The following ANXA6 variants were observed in gnomAD, a reference collection of about 807,000 sequenced individuals.
The protein encoded by ANXA6 is annexin A6.
ANXA6 carries 71 observed loss-of-function variants against 95.4 expected under a neutral mutation model. The ratio of observed to expected loss-of-function variants is 0.74; its 90% CI spans 0.61 to 0.91. The LOEUF (loss-of-function observed/expected upper bound fraction) is 0.91, where lower values mean the gene tolerates loss of function less well. ANXA6 is among the 40% of genes least tolerant of loss of function. The pLI, the probability that ANXA6 is intolerant of heterozygous loss-of-function variation, is 0.00. For missense variants in ANXA6, 830 were observed against 876.4 expected (o/e 0.95, Z 0.67); for synonymous variants, 289 against 315.9 (o/e 0.91, Z 0.90).
Position 151,137,301 on chromosome 5 carries a change from C to T in ANXA6, c.339G>A (p.Lys113=). ...GGGAAGCCAAGATCTCAATGAGGCACTTCTCATCAGTGCCAATGCCCTGGG... is the reference window on the plus strand; with the variant it reads ...GGGAAGCCAAGATCTCAATGAGGCATTTCTCATCAGTGCCAATGCCCTGGG... ...DAISGIGTDE[K]CLIEILASRT... is the part of the protein sequence containing the mutation. Residue 113 remains lysine, a synonymous_variant, in exon 6 of 26, where the codon AAG becomes AAA. Transcript: ENST00000354546. 6.2e-7 allele frequency: 1 copy of T among 1,613,350 alleles called. No homozygotes were observed. Among genetic ancestry groups the T allele is most frequent in the Non-Finnish European group, 8.5e-7 (1 of 1,179,748 alleles).
chr5:151,143,819 A>G (rs1341611133), intron 2 of ANXA6, among the ~76,000 whole-genome samples: 1 of 152,132 alleles, frequency 6.6e-6, no homozygotes. Flanking sequence ...CAAGCAGATC[A>G]GAGAAGGCTT....
At chr5:151,129,912 T>C (rs1765447681) in intron 11 of ANXA6, among the ~76,000 whole-genome samples, 1 of 152,200 alleles carries the variant, frequency 6.6e-6, no homozygotes, top group Non-Finnish European at 1.5e-5. Flanking sequence ...GGTTTTGCCA[T>C]GTTGGCCAGG....
intron 17 of ANXA6, among the ~76,000 whole-genome samples, chr5:151,119,857 A>C (rs986387372): frequency 1.2e-4 from 18 of 152,266 alleles, no homozygotes; most frequent in African/African-American, 1.4e-4. Context: ...GAAGAAAAAA[A>C]GTTTTGTGCT....
intron 1 of ANXA6, among the ~76,000 whole-genome samples, chr5:151,148,266 A>T (rs1044139575): frequency 6.6e-6 from 1 of 152,164 alleles, no homozygotes. Flanking sequence ...CCTTCCACAC[A>T]TCAGATTCTC....
chr5:151,136,270 C>G lies in ANXA6; in HGVS notation c.475G>C (p.Val159Leu). The change falls in exon 7 of 26, where the codon GTG becomes CTG. Residue 159 changes from valine (V) to leucine (L), a missense_variant. Physicochemically the swap from Val to Leu is conservative, Grantham distance 32. Transcript: ENST00000354546. ...TGTGAACCAACCTGGAGCAGGACCA[C>G]AAGCATCTTCTGGAAGTGGCCAGAG... Reference protein sequence around the residue: ...DTSGHFQKMLVVLLQGTREED... With the variant: ...DTSGHFQKMLLVLLQGTREED... The G allele has an allele frequency of 6.2e-7, 1 of 1,613,988 alleles. No individual in the cohort carries two copies. The highest frequency in any genetic ancestry group is 1.7e-5 in the Admixed American group (1 of 60,028).
rs776634905 is a variant in ANXA6, at chr5:151,128,255, GA to G, written c.919-17del. On this transcript the variant is annotated splice_polypyrimidine_tract_variant and intron_variant, in intron 12 of 25. Coordinates refer to ENST00000354546, the MANE Select transcript of ANXA6 (RefSeq NM_001155.5). The stretch of plus-strand genomic sequence containing the variant: ...AGGTGTCATTCTGAAGAGAAAGAAA[GA>G]AAGGTTACCTCTCACCCAGCCCTGG... The G allele has an allele frequency of 1.3e-5, 21 of 1,603,506 alleles. No individual in the cohort carries two copies. Among genetic ancestry groups the G allele is most frequent in the Admixed American group, 1.2e-4 (7 of 58,944 alleles).
At position 151,128,211 on chromosome 5, in the gene ANXA6, GTCT is replaced by G. The variant is rs760573464; in HGVS notation, c.944_946del (p.Lys315del). The G allele has an allele frequency of 6.2e-7, 1 of 1,612,470 alleles. No individual in the cohort carries two copies. Among genetic ancestry groups the G allele is most frequent in the South Asian group, 1.1e-5 (1 of 90,666 alleles). On this transcript the variant is annotated inframe_deletion, in exon 13 of 26. Transcript: ENST00000354546. ...ATCTCCCCCAGACAGCTTCAGCAGA[GTCT>G]TCTTGTACTCGCCAGAGGTGTCATT...
chr5:151,141,045 T>C (rs977187264), intron 2 of ANXA6, among the ~76,000 whole-genome samples: 2 of 152,218 alleles, frequency 1.3e-5, no homozygotes, highest in African/African-American at 4.8e-5. Context: ...CGCTGTGAAC[T>C]GGCATCTGAG....
intron 22 of ANXA6, among the ~76,000 whole-genome samples, chr5:151,108,994 G>A (rs1764775418): frequency 6.6e-6 from 1 of 152,204 alleles, no homozygotes; most frequent in Non-Finnish European, 1.5e-5. Flanking sequence ...GTCAGGCATT[G>A]CGCCAGTGCT....
intron 21 of ANXA6, among the ~76,000 whole-genome samples, chr5:151,110,193 C>T (rs1056470915): frequency 4.6e-5 from 7 of 152,294 alleles, no homozygotes; most frequent in Admixed American, 1.3e-4. Context: ...TTCTGCAAGC[C>T]CCTCTGGGAA....
intron 2 of ANXA6, among the ~76,000 whole-genome samples, chr5:151,142,414 G>T (rs959156106): frequency 1.3e-5 from 2 of 151,936 alleles, no homozygotes; most frequent in Non-Finnish European, 2.9e-5. Context: ...GGAGGCAGAG[G>T]TTGTAGTGAG....
chr5:151,151,465 G>A (rs1004321728), intron 1 of ANXA6: 2 of 152,136 alleles, frequency 1.3e-5, no homozygotes, highest in Admixed American at 6.5e-5. Context: ...AGCAGCCCTC[G>A]ATCATAACAA....
intron 1 of ANXA6, among the ~76,000 whole-genome samples, chr5:151,157,079 C>T (rs1458531004): frequency 6.6e-6 from 1 of 152,188 alleles, no homozygotes; most frequent in Admixed American, 6.5e-5. Flanking sequence ...CATAGGAGGC[C>T]TCGGAGCCCC....
At chr5:151,110,532 T>G in intron 21 of ANXA6, 95 bp downstream of exon 21, 1 of 1,394,670 alleles carries the variant, frequency 7.2e-7, no homozygotes, top group Non-Finnish European at 1.0e-6. Context: ...CACAGCAAGC[T>G]CCCAAATCAC....
At chr5:151,138,898 T>A in intron 4 of ANXA6, 107 bp from the exon 5 acceptor site, 1 of 773,572 alleles carries the variant, frequency 1.3e-6, no homozygotes, top group Non-Finnish European at 2.2e-6. Flanking sequence ...CTGGGCTAAG[T>A]AATCTCATTA....
intron 13 of ANXA6, 90 bp downstream of exon 13, chr5:151,128,091 C>A: frequency 8.7e-7 from 1 of 1,153,146 alleles, no homozygotes. Context: ...CCCAGCTCAT[C>A]CAATCCACCC....
chr5:151,139,171 T>G (rs532488328), intron 4 of ANXA6, 182 bp downstream of exon 4: 5 of 596,972 alleles, frequency 8.4e-6, no homozygotes, highest in African/African-American at 7.4e-5. Context: ...ATACAGCAGG[T>G]GCTGTGGGTG....
At chr5:151,125,470 T>C (rs1765292182) in intron 14 of ANXA6, among the ~76,000 whole-genome samples, 1 of 151,036 alleles carries the variant, frequency 6.6e-6, no homozygotes, top group Non-Finnish European at 1.5e-5. Context: ...ACAAAAGAGG[T>C]GATATACCAT....
In ANXA6 at chr5:151,110,654, GGGAGGGGAGAGA is replaced by G. The variant is rs1448407757; in HGVS notation, c.1573-22_1573-11del. The G allele has an allele frequency of 2.5e-6, 4 of 1,613,352 alleles. No homozygotes were observed. The Admixed American group carries it at 6.7e-5, about 27-fold the overall frequency. On this transcript the variant is annotated splice_polypyrimidine_tract_variant and intron_variant, in intron 20 of 25. Coordinates refer to ENST00000354546, the MANE Select transcript of ANXA6 (RefSeq NM_001155.5). ...AGATCTCAGCAGCCACCTGAGAGCAGGGAGGGGAGAGAGGAGGGAGAGAAGGGAGGCAAGAGT... is the reference window on the plus strand; with the variant it reads ...AGATCTCAGCAGCCACCTGAGAGCAGGGAGGGAGAGAAGGGAGGCAAGAGT...
Sources: gnomAD v4.1 joint callset for allele counts (sites outside exome capture counted in the v4.1 genomes callset) on GRCh38, gnomAD v4.1.1 for gene constraint, MANE v1.5 for transcripts, NCBI Gene and HGNC (gene_info 2026-07-23, HGNC 2026-07-21) for gene names.